Variants in NCKAP1 observed in about 807,000 individuals in gnomAD.
NCKAP1 encodes the protein nck-associated protein 1.
Under a neutral mutation model 151.2 loss-of-function variants are expected in NCKAP1, and 21 were observed. The observed-to-expected ratio is 0.14, with a 90% confidence interval of 0.10 to 0.20. The LOEUF is 0.20. Ranked by LOEUF, NCKAP1 falls within the 10% of genes least tolerant of loss-of-function variation. The pLI, the probability that NCKAP1 is intolerant of heterozygous loss-of-function variation, is 1.00. For missense variants in NCKAP1, 933 were observed against 1,352.1 expected (o/e 0.69, Z 4.86); for synonymous variants, 484 against 451.8 (o/e 1.07, Z -0.90).
Position 182,953,292 on chromosome 2 carries a change from C to T in NCKAP1, c.2193G>A (p.Gln731=), listed in dbSNP as rs2105823077. Reference sequence around the variant, plus strand: ...GAAGTTCTGAAGGTTTTGCAATTTCCTGTGTGGCTTGATTATACATAGTCA... The same window carrying T: ...GAAGTTCTGAAGGTTTTGCAATTTCTTGTGTGGCTTGATTATACATAGTCA... The part of the protein sequence containing the change: ...VGMTMYNQAT[Q]EIAKPSELLT... Residue 731 remains glutamine, a synonymous_variant, in exon 21 of 31, where the codon CAG becomes CAA. Coordinates refer to ENST00000361354, the MANE Select transcript of NCKAP1 (RefSeq NM_013436.5). The T allele has an allele frequency of 6.2e-7, 1 of 1,613,602 alleles. No individual in the cohort carries two copies.
At position 182,918,246 on chromosome 2, in the gene NCKAP1, G is replaced by A. The variant is rs975367421; in HGVS notation, c.*7456C>T. The A allele has an allele frequency of 6.6e-6, 1 of 152,120 alleles. No homozygotes were observed. The highest frequency in any genetic ancestry group is 1.5e-5 in the Non-Finnish European group (1 of 68,024). The allele number at this position is 152,120 out of a possible 1,614,324, so 9.4% of individuals were successfully genotyped here. ...TAGTATCAAGAGTAGCATAATGTAA[G>A]CCCTCATTGTTATTTTTTTTGTCCC... is the stretch of plus-strand genomic sequence containing the variant. On this transcript the variant is annotated 3_prime_UTR_variant, in exon 31 of 31. Coordinates refer to ENST00000361354, the MANE Select transcript of NCKAP1 (RefSeq NM_013436.5).
rs1301878307 is a variant in NCKAP1, at chr2:182,911,963, T to C, written c.*13739A>G. 1 of 152,216 alleles carries C rather than the reference T, an allele frequency of 6.6e-6. No homozygotes were observed. The highest frequency in any genetic ancestry group is 1.5e-5 in the Non-Finnish European group (1 of 68,028). 9.4% of individuals were successfully genotyped at this position (152,216 alleles called of 1,614,324 possible). On this transcript the variant is annotated 3_prime_UTR_variant, in exon 31 of 31. Coordinates refer to ENST00000361354, the MANE Select transcript of NCKAP1 (RefSeq NM_013436.5). ...TTTCCACAATAGACACTTCATGTCT[T>C]TGAATTATTTTAGTTGGAGTAGGAA... is the stretch of plus-strand genomic sequence containing the variant.
At chr2:182,991,631 T>C (rs1698172869) in intron 8 of NCKAP1, among the ~76,000 whole-genome samples, 1 of 148,584 alleles carries the variant, frequency 6.7e-6, no homozygotes, top group Non-Finnish European at 1.5e-5. Flanking sequence ...TACACATCAA[T>C]CTCCTTTACC....
rs1699138963 is a variant in NCKAP1 at position 183,037,998 on chromosome 2, G to A, written c.102C>T (p.Ile34=). The change falls in exon 1 of 31, where the codon ATC becomes ATT. Residue 34 remains isoleucine (I), a synonymous_variant. Coordinates refer to ENST00000361354, the MANE Select transcript of NCKAP1 (RefSeq NM_013436.5). ...CTCCCCGGCCCGTGCGCACCTTCTTGATGTTGTAGAGGCGGGTGAGCATGC... is the reference window on the plus strand; with the variant it reads ...CTCCCCGGCCCGTGCGCACCTTCTTAATGTTGTAGAGGCGGGTGAGCATGC... The part of the protein sequence containing the change: ...GVGMLTRLYN[I]KKACGDPKAK... 6.3e-7 allele frequency: 1 copy of A among 1,583,604 alleles called. No homozygotes were observed. Among genetic ancestry groups the A allele is most frequent in the African/African-American group, 1.4e-5 (1 of 72,104 alleles).
At chr2:183,004,999 G>A (rs1698442864) in intron 2 of NCKAP1, among the ~76,000 whole-genome samples, 1 of 151,734 alleles carries the variant, frequency 6.6e-6, no homozygotes. Flanking sequence ...CTTCATCTGA[G>A]AGTAGCTGAC....
chr2:182,956,629 T>C lies in NCKAP1; in HGVS notation c.2022-36A>G, dbSNP rs761963206. The stretch of plus-strand genomic sequence containing the variant: ...TTAATAAACAGTTAAAATGTTCACA[T>C]GTCATCACAGGCAATACAAAATTAA... On this transcript the variant is annotated intron_variant, in intron 19 of 30. Coordinates refer to ENST00000361354, the MANE Select transcript of NCKAP1 (RefSeq NM_013436.5). 11 of 1,572,668 alleles carry C rather than the reference T, an allele frequency of 7.0e-6. No homozygotes were observed. In the South Asian group the frequency reaches 7.2e-5, roughly 10 times the overall value.
chr2:183,002,885 T>C (rs1236330649), intron 4 of NCKAP1, 89 bp downstream of exon 4: 8 of 868,168 alleles, frequency 9.2e-6, no homozygotes, highest in African/African-American at 1.7e-5. Flanking sequence ...TATATGCTAG[T>C]TACATAATCT....
chr2:182,989,215 T>C (rs750553561), intron 8 of NCKAP1, 29 bp from the exon 9 acceptor site: 1 of 1,551,058 alleles, frequency 6.4e-7, no homozygotes, highest in South Asian at 1.2e-5. Context: ...CAAATACAAA[T>C]GTAAATGTAC....
Position 182,967,229 on chromosome 2 carries a change from G to C in NCKAP1, c.1615C>G (p.Leu539Val). Residue 539 changes from leucine (L) to valine (V), a missense_variant, in exon 16 of 31, where the codon CTC becomes GTC. By Grantham distance (32) the Leu-to-Val change is conservative. This residue lies in a region of NCKAP1 where 607 missense variants were observed against 795.0 expected (regional missense o/e 0.76). Transcript: ENST00000361354. ...ATTACAACATACCAAAATATGGAGA[G>C]ATCTGATGTTTCCACCAACATTTCC... The part of the protein sequence containing the change: ...LVEMLVETSD[L>V]SIFCFYSRAF... The C allele has an allele frequency of 6.2e-7, 1 of 1,609,254 alleles. No individual in the cohort carries two copies. The highest frequency in any genetic ancestry group is 8.5e-7 in the Non-Finnish European group (1 of 1,178,502).
chr2:182,991,351 A>T (rs749519478), intron 8 of NCKAP1, among the ~76,000 whole-genome samples: 4 of 152,198 alleles, frequency 2.6e-5, no homozygotes, highest in Non-Finnish European at 4.4e-5. Flanking sequence ...TGAGGTCAGG[A>T]GTTTGAGACC....
intron 6 of NCKAP1, 112 bp downstream of exon 6, chr2:183,001,841 T>G (rs568774454): frequency 1.2e-6 from 1 of 830,824 alleles, no homozygotes; most frequent in South Asian, 1.7e-5. Context: ...TAACTATTAC[T>G]TATATCCCAT....
intron 23 of NCKAP1, among the ~76,000 whole-genome samples, chr2:182,942,512 A>G (rs1266943917): frequency 7.2e-5 from 11 of 152,128 alleles, no homozygotes; most frequent in Admixed American, 1.3e-4. Context: ...AACTGAAACA[A>G]AAAAACTAGC....
In NCKAP1 at chr2:182,915,842, C is replaced by T. The variant is rs1018415863; in HGVS notation, c.*9860G>A. The T allele has an allele frequency of 6.6e-6, 1 of 152,034 alleles. No homozygotes were observed. The highest frequency in any genetic ancestry group is 1.5e-5 in the Non-Finnish European group (1 of 68,004). 9.4% of individuals were successfully genotyped at this position (152,034 alleles called of 1,614,324 possible). ...AGTCACTTTGAAATTTTTCTGATGGCCTCTCTTCTTTGCTCTTGGCATTTC... is the reference window on the plus strand; with the variant it reads ...AGTCACTTTGAAATTTTTCTGATGGTCTCTCTTCTTTGCTCTTGGCATTTC... On this transcript the variant is annotated 3_prime_UTR_variant, in exon 31 of 31. Transcript: ENST00000361354.
chr2:183,015,076 G>A lies in NCKAP1; in HGVS notation c.219+8730C>T, dbSNP rs1424792821. 3.3e-5 allele frequency among the ~76,000 whole-genome samples: 5 copies of A among 152,182 alleles called. No homozygotes were observed. The South Asian group carries it at 1.0e-3, about 31-fold the overall frequency. ...TGGAACCCCAGTGTAATGCTCATTGGCAGCCTCATTTCCAGGAAAGCAGAA... is the reference window on the plus strand; with the variant it reads ...TGGAACCCCAGTGTAATGCTCATTGACAGCCTCATTTCCAGGAAAGCAGAA... On this transcript the variant is annotated intron_variant, in intron 2 of 30. Transcript: ENST00000361354.
At chr2:183,015,632 A>G (rs940994992) in intron 2 of NCKAP1, among the ~76,000 whole-genome samples, 1 of 152,180 alleles carries the variant, frequency 6.6e-6, no homozygotes, top group African/African-American at 2.4e-5. Flanking sequence ...GAATTTAGGA[A>G]GAGAGATTCC....
chr2:183,020,427 T>C (rs1448189990), intron 2 of NCKAP1, among the ~76,000 whole-genome samples: 1 of 136,636 alleles, frequency 7.3e-6, no homozygotes, highest in Non-Finnish European at 1.5e-5. Context: ...ATTGCTCCAC[T>C]GCACTCCAGC....
intron 2 of NCKAP1, among the ~76,000 whole-genome samples, chr2:183,008,395 AAC>A (rs1213242120): frequency 1.3e-5 from 2 of 152,350 alleles, no homozygotes; most frequent in South Asian, 2.1e-4. Context: ...TTTTAATTCC[AAC>A]AGTTTCACCT....
rs1039356680 is a variant in NCKAP1, at chr2:182,924,230, T to C, written c.*1472A>G. 2 of 152,206 alleles carry C rather than the reference T, an allele frequency of 1.3e-5. No homozygotes were observed. Among genetic ancestry groups the C allele is most frequent in the African/African-American group, 2.4e-5 (1 of 41,458 alleles). The allele number at this position is 152,206 out of a possible 1,614,324, so 9.4% of individuals were successfully genotyped here. On this transcript the variant is annotated 3_prime_UTR_variant, in exon 31 of 31. Coordinates refer to ENST00000361354, the MANE Select transcript of NCKAP1 (RefSeq NM_013436.5). ...GCTGGACAAATCATACACAAAATAA[T>C]AGCATAATCTCATAGTACTTCAATT...
chr2:182,994,950 C>T lies in NCKAP1; in HGVS notation c.742-63G>A, dbSNP rs1575054252. The T allele has an allele frequency of 4.7e-6, 6 of 1,276,750 alleles. No individual in the cohort carries two copies. The East Asian group carries it at 1.4e-4, about 30-fold the overall frequency. The allele number at this position is 1,276,750 out of a possible 1,614,324, so 79.1% of individuals were successfully genotyped here. ...ATTCTAAAAAATATTCCATATTGAG[C>T]CACTCTCCTCCCTTTCTCCTGATAA... On this transcript the variant is annotated intron_variant, in intron 7 of 30. Transcript: ENST00000361354.
Sources: gnomAD v4.1 joint callset for allele counts (sites outside exome capture counted in the v4.1 genomes callset) on GRCh38, gnomAD v4.1.1 for gene constraint, gnomAD v4.1.1 regional missense constraint, MANE v1.5 for transcripts, NCBI Gene and HGNC (gene_info 2026-07-23, HGNC 2026-07-21) for gene names.